The following SDHAF3 variants were observed in gnomAD, a reference collection of about 807,000 sequenced individuals.
The protein encoded by SDHAF3 is succinate dehydrogenase assembly factor 3, mitochondrial.
In SDHAF3, 18 loss-of-function variants were observed where a neutral mutation model predicts 11.5. The observed-to-expected ratio is 1.56, with a 90% CI of 1.08 to 2.32. SDHAF3 has a LOEUF of 2.32. Ranked by LOEUF, SDHAF3 falls within the 30% of genes most tolerant of loss-of-function variation. SDHAF3 has a pLI of 0.00. For missense variants in SDHAF3, 200 were observed against 154.4 expected, an observed-to-expected ratio of 1.30 and a Z score of -1.57; for synonymous variants, 72 against 59.3, an observed-to-expected ratio of 1.21 and a Z score of -0.99.
intron 1 of SDHAF3, among the ~76,000 whole-genome samples, chr7:97,126,395 G>A (rs1193085893): frequency 2.0e-5 from 3 of 152,190 alleles, no homozygotes; most frequent in Admixed American, 2.0e-4. Context: ...GAACATTTAA[G>A]TCTGCTGAAG....
intron 1 of SDHAF3, among the ~76,000 whole-genome samples, chr7:97,168,117 G>A (rs972845203): frequency 1.4e-4 from 21 of 152,096 alleles, no homozygotes; most frequent in African/African-American, 2.2e-4. Flanking sequence ...GCTTGCTGGC[G>A]GGACCCCCTC....
intron 1 of SDHAF3, among the ~76,000 whole-genome samples, chr7:97,165,578 TA>T (rs1789490578): frequency 6.6e-6 from 1 of 152,166 alleles, no homozygotes; most frequent in South Asian, 2.1e-4. Context: ...CACCTCCAAA[TA>T]ATCATGTTTA....
chr7:97,175,026 CTTG>C (rs959171095), intron 1 of SDHAF3, among the ~76,000 whole-genome samples: 40 of 151,958 alleles, frequency 2.6e-4, no homozygotes, highest in Middle Eastern at 3.4e-3. Flanking sequence ...TTTTGGTTTT[CTTG>C]TTGTTGTTGT....
At chr7:97,142,239 G>C (rs1326045176) in intron 1 of SDHAF3, among the ~76,000 whole-genome samples, 3 of 151,432 alleles carry the variant, frequency 2.0e-5, no homozygotes, top group Non-Finnish European at 4.4e-5. Flanking sequence ...ATTTTTAGTA[G>C]AGACGGCATT....
chr7:97,127,930 T>G (rs1791601482), intron 1 of SDHAF3, among the ~76,000 whole-genome samples: 2 of 134,940 alleles, frequency 1.5e-5, no homozygotes, highest in Non-Finnish European at 3.1e-5. Context: ...TGACTGAGTC[T>G]CCCTCTGTCG....
At chr7:97,133,764 ACTC>A (rs1791704979) in intron 1 of SDHAF3, among the ~76,000 whole-genome samples, 1 of 152,132 alleles carries the variant, frequency 6.6e-6, no homozygotes, top group African/African-American at 2.4e-5. Context: ...GTTCTTCTTT[ACTC>A]CTAAATCAGT....
chr7:97,165,799 G>A (rs998358635), intron 1 of SDHAF3, among the ~76,000 whole-genome samples: 1 of 152,166 alleles, frequency 6.6e-6, no homozygotes, highest in African/African-American at 2.4e-5. Context: ...ACAGGTTTTA[G>A]CTGGTCAGTA....
At position 97,117,881 on chromosome 7, in the gene SDHAF3, T is replaced by A; in HGVS notation, c.158T>A (p.Phe53Tyr). The A allele has an allele frequency of 1.9e-6, 3 of 1,614,176 alleles. No individual in the cohort carries two copies. The South Asian group carries it at 3.3e-5, about 18-fold the overall frequency. The change falls in exon 1 of 2, where the codon TTC becomes TAC. Residue 53 changes from phenylalanine to tyrosine, a missense_variant. Coordinates refer to ENST00000432641, the MANE Select transcript of SDHAF3 (RefSeq NM_020186.3). The stretch of plus-strand genomic sequence containing the variant: ...GTTGGTTCTGACGAGGCACAGCGTT[T>A]CTTGCAAGAATGGGAGGCAAGTGAC... ...KTVGSDEAQR[F>Y]LQEWEVYATA...
intron 1 of SDHAF3, among the ~76,000 whole-genome samples, chr7:97,122,099 C>T (rs1053438728): frequency 2.6e-5 from 4 of 152,090 alleles, no homozygotes; most frequent in Non-Finnish European, 2.9e-5. Flanking sequence ...CCTTATGATC[C>T]GCCCACCTGG....
At chr7:97,139,155 G>A (rs1230714633) in intron 1 of SDHAF3, among the ~76,000 whole-genome samples, 1 of 152,252 alleles carries the variant, frequency 6.6e-6, no homozygotes, top group Non-Finnish European at 1.5e-5. Flanking sequence ...GTGTTCGGTG[G>A]TTCCTGAGTT....
intron 1 of SDHAF3, among the ~76,000 whole-genome samples, chr7:97,178,762 A>G (rs898846209): frequency 9.2e-5 from 14 of 152,188 alleles, no homozygotes; most frequent in African/African-American, 3.4e-4. Context: ...CTTTTCAGAT[A>G]CGATTTGCAA....
intron 1 of SDHAF3, among the ~76,000 whole-genome samples, chr7:97,130,552 T>A (rs1791653130): frequency 6.6e-6 from 1 of 152,154 alleles, no homozygotes; most frequent in Admixed American, 6.5e-5. Flanking sequence ...GCTTGTTCAT[T>A]CCCACTGCCC....
chr7:97,163,419 C>T (rs897115520), intron 1 of SDHAF3, among the ~76,000 whole-genome samples: 1 of 152,150 alleles, frequency 6.6e-6, no homozygotes, highest in African/African-American at 2.4e-5. Context: ...GGATAAGAGG[C>T]GTGAGCCACT....
chr7:97,157,094 T>C (rs1425670479), intron 1 of SDHAF3, among the ~76,000 whole-genome samples: 2 of 152,172 alleles, frequency 1.3e-5, no homozygotes, highest in African/African-American at 2.4e-5. Flanking sequence ...CGAATTCTGT[T>C]ATTTTTCCCC....
intron 1 of SDHAF3, among the ~76,000 whole-genome samples, chr7:97,166,842 A>G (rs1789513224): frequency 6.6e-6 from 1 of 152,218 alleles, no homozygotes; most frequent in Non-Finnish European, 1.5e-5. Context: ...GACCTTATAG[A>G]ATAGTAGAAA....
intron 1 of SDHAF3, among the ~76,000 whole-genome samples, chr7:97,150,595 G>A (rs1031522632): frequency 1.9e-4 from 25 of 132,676 alleles, no homozygotes; most frequent in African/African-American, 5.5e-4. Context: ...ATGGGGTCTC[G>A]CTCTGTCCCC....
intron 1 of SDHAF3, among the ~76,000 whole-genome samples, chr7:97,145,117 A>G (rs1383399500): frequency 1.3e-5 from 2 of 148,286 alleles, no homozygotes; most frequent in East Asian, 2.0e-4. Flanking sequence ...CTTGGTCGCT[A>G]TTGGTGTATT....
intron 1 of SDHAF3, among the ~76,000 whole-genome samples, chr7:97,149,648 T>C (rs1210739010): frequency 6.6e-6 from 1 of 152,230 alleles, no homozygotes; most frequent in Non-Finnish European, 1.5e-5. Flanking sequence ...AATTTAAAAA[T>C]ATTGCTGAAA....
intron 1 of SDHAF3, among the ~76,000 whole-genome samples, chr7:97,159,984 A>G (rs938456627): frequency 2.0e-5 from 3 of 152,198 alleles, no homozygotes; most frequent in Non-Finnish European, 4.4e-5. Flanking sequence ...TGACATTAGG[A>G]AAGGAAAGAT....
Sources: gnomAD v4.1 joint callset for allele counts (sites outside exome capture counted in the v4.1 genomes callset) on GRCh38, gnomAD v4.1.1 for gene constraint, MANE v1.5 for transcripts, NCBI Gene and HGNC (gene_info 2026-07-23, HGNC 2026-07-21) for gene names.